Variants in TMEM117 observed in about 807,000 individuals in gnomAD.
The protein encoded by TMEM117 is transmembrane protein 117.
A neutral mutation model predicts 52.4 loss-of-function variants in TMEM117; 27 were observed. The observed-to-expected ratio is 0.51, with a 90% CI of 0.38 to 0.71. The LOEUF (loss-of-function observed/expected upper bound fraction) is 0.71. Among genes scored for constraint, TMEM117 ranks in the 30% least tolerant of loss-of-function variants. The pLI, the probability that TMEM117 is intolerant of heterozygous loss-of-function variation, is 0.00. For synonymous variants in TMEM117, 215 were observed against 206.3 expected, an observed-to-expected ratio of 1.04 and a Z score of -0.36; for missense variants, 556 against 630.5, an observed-to-expected ratio of 0.88 and a Z score of 1.26.
chr12:44,087,786 G>A (rs1175696441), intron 3 of TMEM117, among the ~76,000 whole-genome samples: 1 of 152,070 alleles, frequency 6.6e-6, no homozygotes, highest in Non-Finnish European at 1.5e-5. Context: ...AAATTGATAA[G>A]TTCACAAATG....
chr12:44,269,039 C>G (rs1950415211), intron 5 of TMEM117, among the ~76,000 whole-genome samples: 1 of 152,056 alleles, frequency 6.6e-6, no homozygotes, highest in African/African-American at 2.4e-5. Flanking sequence ...ATACTTTTAT[C>G]TCTTGCTTTT....
Position 44,299,562 on chromosome 12 carries a change from G to C in TMEM117, c.609-18G>C. 6.2e-7 allele frequency: 1 copy of C among 1,612,778 alleles called. No homozygotes were observed. The highest frequency in any genetic ancestry group is 8.5e-7 in the Non-Finnish European group (1 of 1,179,308). On this transcript the variant is annotated intron_variant, in intron 5 of 7. Coordinates refer to ENST00000266534, the MANE Select transcript of TMEM117 (RefSeq NM_032256.3). ...TTTTATGCCTTATGTTCTTTAATGAGTGTCTTGTTCCTTACAGGACAGTTC... is the reference window on the plus strand; with the variant it reads ...TTTTATGCCTTATGTTCTTTAATGACTGTCTTGTTCCTTACAGGACAGTTC...
chr12:43,922,115 G>A (rs188086038), intron 2 of TMEM117, among the ~76,000 whole-genome samples: 83 of 152,226 alleles, frequency 5.5e-4, no homozygotes, highest in Middle Eastern at 6.8e-3. Context: ...TTTAACTAGT[G>A]AGTCAGATAT....
intron 2 of TMEM117, among the ~76,000 whole-genome samples, chr12:43,845,727 G>A (rs1943195629): frequency 6.6e-6 from 1 of 150,906 alleles, no homozygotes; most frequent in Non-Finnish European, 1.5e-5. Context: ...GGGGTATGAT[G>A]TTCCCCACCC....
chr12:43,808,033 AG>A, the TMEM117 span, among the ~76,000 whole-genome samples: 1 of 152,248 alleles, frequency 6.6e-6, no homozygotes, highest in Admixed American at 6.5e-5. Context: ...TTTAACTTTA[AG>A]AGGTTTGGAA....
intron 5 of TMEM117, among the ~76,000 whole-genome samples, chr12:44,291,131 A>G: frequency 6.6e-6 from 1 of 152,168 alleles, no homozygotes; most frequent in African/African-American, 2.4e-5. Context: ...TGAAGATAGG[A>G]AGTATTCCAT....
At chr12:44,106,349 G>A (rs1209145844) in intron 3 of TMEM117, among the ~76,000 whole-genome samples, 3 of 152,010 alleles carry the variant, frequency 2.0e-5, no homozygotes, top group South Asian at 2.1e-4. Context: ...TAACTTGCTT[G>A]AGGTCAAACA....
At chr12:44,008,761 A>T in intron 3 of TMEM117, 1 of 424,284 alleles carries the variant, frequency 2.4e-6, no homozygotes, top group South Asian at 2.0e-5. Context: ...GGTGTTTAAT[A>T]AGGTGGAAGT....
At chr12:43,938,746 T>A (rs1782469367) in intron 2 of TMEM117, among the ~76,000 whole-genome samples, 1 of 152,076 alleles carries the variant, frequency 6.6e-6, no homozygotes. Context: ...ATGCCTGTAA[T>A]CCCAGCACTT....
chr12:43,976,990 G>A (rs919619497), intron 3 of TMEM117, among the ~76,000 whole-genome samples: 2 of 152,156 alleles, frequency 1.3e-5, no homozygotes, highest in Non-Finnish European at 2.9e-5. Flanking sequence ...CCCCCCACTA[G>A]GGGTATGTTA....
intron 3 of TMEM117, chr12:44,008,730 G>T (rs1946242501): frequency 4.9e-6 from 2 of 410,424 alleles, no homozygotes; most frequent in South Asian, 2.2e-5. Flanking sequence ...GTATAAGGCA[G>T]TTCACCTGTG....
At chr12:43,857,999 A>G (rs1471467351) in intron 2 of TMEM117, among the ~76,000 whole-genome samples, 4 of 152,208 alleles carry the variant, frequency 2.6e-5, no homozygotes, top group Non-Finnish European at 5.9e-5. Flanking sequence ...TAGAAGATTT[A>G]GGGATATGCA....
chr12:43,860,870 G>A (rs1428876585), intron 2 of TMEM117, among the ~76,000 whole-genome samples: 1 of 152,094 alleles, frequency 6.6e-6, no homozygotes, highest in African/African-American at 2.4e-5. Context: ...TTTAAAGTTG[G>A]TGTTTTAGTG....
At chr12:44,107,548 T>C (rs1440823002) in intron 3 of TMEM117, among the ~76,000 whole-genome samples, 1 of 152,070 alleles carries the variant, frequency 6.6e-6, no homozygotes, top group Non-Finnish European at 1.5e-5. Context: ...GACATGGAGA[T>C]AGGAAACATA....
At chr12:44,075,430 T>G (rs1947366966) in intron 3 of TMEM117, among the ~76,000 whole-genome samples, 1 of 152,256 alleles carries the variant, frequency 6.6e-6, no homozygotes, top group African/African-American at 2.4e-5. Flanking sequence ...TGGTTTAATG[T>G]TCTGTAGTTG....
chr12:44,058,101 A>G (rs1214815649), intron 3 of TMEM117, among the ~76,000 whole-genome samples: 7 of 152,156 alleles, frequency 4.6e-5, no homozygotes, highest in Non-Finnish European at 7.3e-5. Flanking sequence ...TTTTTATTCA[A>G]TATTTAATTT....
At chr12:44,147,197 G>A (rs577676618) in intron 4 of TMEM117, among the ~76,000 whole-genome samples, 1 of 152,258 alleles carries the variant, frequency 6.6e-6, no homozygotes, top group Admixed American at 6.5e-5. Flanking sequence ...CTTTGCTATG[G>A]GCAGGATCAG....
At chr12:43,844,591 C>A in intron 1 of TMEM117, 33 bp from the exon 2 acceptor site, 1 of 1,532,752 alleles carries the variant, frequency 6.5e-7, no homozygotes, top group Non-Finnish European at 8.8e-7. Flanking sequence ...ACTTGTTTTC[C>A]TCCTCTAACC....
intron 3 of TMEM117, among the ~76,000 whole-genome samples, chr12:43,993,722 T>G (rs1194923639): frequency 1.3e-5 from 2 of 152,148 alleles, no homozygotes; most frequent in Admixed American, 1.3e-4. Flanking sequence ...TGAGACAGGG[T>G]CTCACTCTTT....
Sources: allele counts gnomAD v4.1 joint callset (sites outside exome capture counted in the v4.1 genomes callset), GRCh38; gene constraint gnomAD v4.1.1; transcripts MANE v1.5; gene names NCBI Gene and HGNC (gene_info 2026-07-23, HGNC 2026-07-21).